RANGAP1: variants seen among roughly 807,000 people sequenced by gnomAD.
The protein encoded by RANGAP1 is Ran GTPase activating protein 1, also known as ran GTPase-activating protein 1.
RANGAP1 carries 38 observed loss-of-function variants against 63.5 expected under a neutral mutation model. The ratio of observed to expected loss-of-function variants is 0.60; its 90% confidence interval spans 0.46 to 0.78. The LOEUF (loss-of-function observed/expected upper bound fraction) is 0.78, where lower values mean the gene tolerates loss of function less well. Ranked by LOEUF, RANGAP1 falls within the 30% of genes least tolerant of loss-of-function variation. RANGAP1 has a pLI of 0.00. For synonymous variants in RANGAP1, 329 were observed against 310.5 expected (o/e 1.06, Z -0.63); for missense variants, 630 against 740.3 (o/e 0.85, Z 1.73).
At position 41,258,710 on chromosome 22, in the gene RANGAP1, G is replaced by C. The variant is rs560268426; in HGVS notation, c.616-604C>G. On this transcript the variant is annotated intron_variant, in intron 6 of 15. Transcript: ENST00000356244. Reference sequence around the variant, plus strand: ...CGTTCCGTCGCCCAGGCTGGAGTGTGATGGCATGATCTTGGCTCATCGCAA... The same window carrying C: ...CGTTCCGTCGCCCAGGCTGGAGTGTCATGGCATGATCTTGGCTCATCGCAA... Among the ~76,000 whole-genome samples, 8 of 151,982 alleles carry C rather than the reference G, an allele frequency of 5.3e-5. No individual in the cohort carries two copies. In the East Asian group the frequency reaches 1.5e-3, roughly 29 times the overall value.
At chr22:41,274,752 C>G (rs756400040) in intron 2 of RANGAP1, 25 bp from the exon 3 acceptor site, 4 of 1,612,560 alleles carry the variant, frequency 2.5e-6, no homozygotes, top group East Asian at 2.2e-5. Context: ...AGAGCAGAAC[C>G]TTAGGCTTTT....
At chr22:41,259,989 G>C (rs1469903752) in intron 6 of RANGAP1, among the ~76,000 whole-genome samples, 1 of 151,278 alleles carries the variant, frequency 6.6e-6, no homozygotes, top group East Asian at 1.9e-4. Context: ...CTGGGCAACA[G>C]AGCGAGACCC....
At chr22:41,286,706 A>G (rs1340550540), upstream of RANGAP1, among the ~76,000 whole-genome samples, 1 of 152,250 alleles carries the variant, frequency 6.6e-6, no homozygotes. Context: ...AAGGGGAAAT[A>G]GTAACTATCG....
At chr22:41,281,454 C>T in intron 1 of RANGAP1, 2 of 999,500 alleles carry the variant, frequency 2.0e-6, no homozygotes, top group South Asian at 4.3e-5. Context: ...CCCAAGCACA[C>T]ACCTGCTTGA....
upstream of RANGAP1, among the ~76,000 whole-genome samples, chr22:41,288,626 A>G (rs545131701): frequency 6.6e-6 from 1 of 152,152 alleles, no homozygotes; most frequent in South Asian, 2.1e-4. Flanking sequence ...GAGACCTCCC[A>G]AAGGGAAGAG....
the RANGAP1 span, among the ~76,000 whole-genome samples, chr22:41,291,884 G>A: frequency 6.6e-6 from 1 of 151,486 alleles, no homozygotes; most frequent in African/African-American, 2.4e-5. Flanking sequence ...CTGGGCGACA[G>A]AGCGAGACTC....
At chr22:41,279,325 C>T (rs183961968) in intron 2 of RANGAP1, among the ~76,000 whole-genome samples, 114 of 152,124 alleles carry the variant, frequency 7.5e-4, no homozygotes, top group African/African-American at 2.5e-3. Flanking sequence ...AAAAAATTAG[C>T]GGAGCATGGT....
intron 2 of RANGAP1, among the ~76,000 whole-genome samples, chr22:41,277,805 C>A (rs2035244602): frequency 1.3e-5 from 2 of 152,160 alleles, no homozygotes. Flanking sequence ...AAAAGTGAGA[C>A]CTCTCCCTGC....
At chr22:41,294,058 G>T in the RANGAP1 span, among the ~76,000 whole-genome samples, 1 of 134,802 alleles carries the variant, frequency 7.4e-6, no homozygotes, top group African/African-American at 2.8e-5. Flanking sequence ...CTCTCCCCAC[G>T]GTCTCCCTCT....
the RANGAP1 span, among the ~76,000 whole-genome samples, chr22:41,294,162 C>T: frequency 6.6e-6 from 1 of 152,256 alleles, no homozygotes; most frequent in African/African-American, 2.4e-5. Flanking sequence ...CCTGATTCTC[C>T]TGCCTCAGCC....
chr22:41,246,614 A>T lies in RANGAP1; in HGVS notation c.1753T>A (p.Tyr585Asn). Residue 585 changes from tyrosine to asparagine, a missense_variant, in exon 16 of 16, where the codon TAC (tyrosine) becomes AAC (asparagine). Coordinates refer to ENST00000356244, the MANE Select transcript of RANGAP1 (RefSeq NM_002883.4). ...GAGAGGCTTTGAGTCTAGACCTTGT[A>T]CAGCGTCTGCAGCAGACTGTGGCGG... Reference protein sequence around the residue: ...FARHSLLQTLYKV With the variant: ...FARHSLLQTLNKV 1 of 1,577,464 alleles carries T rather than the reference A, an allele frequency of 6.3e-7. No homozygotes were observed. Among genetic ancestry groups the T allele is most frequent in the Non-Finnish European group, 8.6e-7 (1 of 1,160,150 alleles).
intron 5 of RANGAP1, among the ~76,000 whole-genome samples, chr22:41,264,147 G>A (rs886101614): frequency 2.0e-5 from 3 of 152,204 alleles, no homozygotes; most frequent in Non-Finnish European, 4.4e-5. Flanking sequence ...AATACGGCAG[G>A]CCGCCCTTGA....
intron 10 of RANGAP1, among the ~76,000 whole-genome samples, chr22:41,255,435 C>T (rs2033763462): frequency 6.6e-6 from 1 of 152,178 alleles, no homozygotes; most frequent in South Asian, 2.1e-4. Flanking sequence ...CACCCACCTT[C>T]ACCTCCAGGT....
chr22:41,294,752 G>A, the RANGAP1 span, among the ~76,000 whole-genome samples: 4 of 137,704 alleles, frequency 2.9e-5, no homozygotes, highest in African/African-American at 8.2e-5. Flanking sequence ...CCCCATCTGA[G>A]AAGTGAGGAG....
chr22:41,250,559 A>C (rs1569171088), intron 13 of RANGAP1, among the ~76,000 whole-genome samples: 2 of 152,042 alleles, frequency 1.3e-5, no homozygotes, highest in African/African-American at 4.8e-5. Flanking sequence ...GGCTGGAGGG[A>C]TATGGGCTGG....
In RANGAP1 at chr22:41,270,757, A is replaced by G. The variant is rs559933924; in HGVS notation, c.241-2601T>C. Among the ~76,000 whole-genome samples, 41 of 152,364 alleles carry G rather than the reference A, an allele frequency of 2.7e-4. 1 individual carries two copies. In the South Asian group the frequency reaches 4.1e-3, roughly 15 times the overall value. ...AAATCCGCATATCCACCAATAAAGC[A>G]GACCATGAACACACCTGGGGCCTCA... On this transcript the variant is annotated intron_variant, in intron 3 of 15. Coordinates refer to ENST00000356244, the MANE Select transcript of RANGAP1 (RefSeq NM_002883.4).
At chr22:41,283,480 G>A (rs944490594) in intron 1 of RANGAP1, among the ~76,000 whole-genome samples, 1 of 152,118 alleles carries the variant, frequency 6.6e-6, no homozygotes, top group Non-Finnish European at 1.5e-5. Context: ...TTGCATTCCA[G>A]CCTGGCGACA....
At chr22:41,253,329 T>C (rs772206333) in intron 11 of RANGAP1, among the ~76,000 whole-genome samples, 2 of 152,144 alleles carry the variant, frequency 1.3e-5, no homozygotes, top group East Asian at 1.9e-4. Context: ...TGGGTCCCCG[T>C]AGAACTACAG....
chr22:41,268,341 C>T (rs1394198612), intron 3 of RANGAP1, among the ~76,000 whole-genome samples, 185 bp from the exon 4 acceptor site: 2 of 152,204 alleles, frequency 1.3e-5, no homozygotes, highest in Admixed American at 6.6e-5. Flanking sequence ...TCACAATCTC[C>T]ACCTCCCGGG....
Sources: allele counts gnomAD v4.1 joint callset (sites outside exome capture counted in the v4.1 genomes callset), GRCh38; gene constraint gnomAD v4.1.1; transcripts MANE v1.5; gene names NCBI Gene and HGNC (gene_info 2026-07-23, HGNC 2026-07-21).